GPM6A: variants seen among roughly 807,000 people sequenced by gnomAD.
The protein encoded by GPM6A is glycoprotein M6A.
In GPM6A, 7 loss-of-function variants were observed where a neutral mutation model predicts 32.1. That is an observed-to-expected ratio of 0.22 (90% CI 0.12 to 0.41). The LOEUF is 0.41. Among genes scored for constraint, GPM6A ranks in the 10% least tolerant of loss-of-function variants. The pLI is 1.00. For missense variants in GPM6A, 235 were observed against 347.2 expected, an observed-to-expected ratio of 0.68 and a Z score of 2.57; for synonymous variants, 130 against 123.4, an observed-to-expected ratio of 1.05 and a Z score of -0.35.
intron 2 of GPM6A, among the ~76,000 whole-genome samples, chr4:175,696,402 T>C (rs1476065117): frequency 2.0e-5 from 3 of 152,232 alleles, no homozygotes; most frequent in Admixed American, 6.5e-5. Flanking sequence ...AAATTCCTCA[T>C]GGTTCAAGTA....
At chr4:175,921,739 A>G (rs1738674940) in intron 1 of GPM6A, among the ~76,000 whole-genome samples, 1 of 152,206 alleles carries the variant, frequency 6.6e-6, no homozygotes. Flanking sequence ...ATGAGCCATC[A>G]CCTTGTTTGC....
chr4:175,722,847 C>CT (rs1288855257), intron 1 of GPM6A, among the ~76,000 whole-genome samples: 9 of 151,492 alleles, frequency 5.9e-5, no homozygotes, highest in African/African-American at 1.9e-4. Flanking sequence ...AGTTCGAGGC[C>CT]TGTCTGGCCA....
chr4:175,902,501 T>C (rs997773139), intron 1 of GPM6A, among the ~76,000 whole-genome samples: 11 of 152,142 alleles, frequency 7.2e-5, no homozygotes, highest in Non-Finnish European at 1.3e-4. Context: ...AGGCTCCATC[T>C]TTCCTTTCTT....
intron 1 of GPM6A, among the ~76,000 whole-genome samples, chr4:175,761,885 C>A (rs1198607044): frequency 6.6e-6 from 1 of 151,744 alleles, no homozygotes; most frequent in African/African-American, 2.4e-5. Context: ...ACCTTTGCCT[C>A]CCAGGTTCAA....
At chr4:175,933,565 TAGA>T in intron 1 of GPM6A, among the ~76,000 whole-genome samples, 1 of 99,764 alleles carries the variant, frequency 1.0e-5, no homozygotes, top group Non-Finnish European at 2.1e-5. Context: ...TAGAAGTTCT[TAGA>T]AGTTTTTGTT....
chr4:175,910,506 C>T (rs1738281223), intron 1 of GPM6A, among the ~76,000 whole-genome samples: 1 of 152,046 alleles, frequency 6.6e-6, no homozygotes, highest in African/African-American at 2.4e-5. Flanking sequence ...GAAAGGGGCC[C>T]AACAAGCACT....
intron 1 of GPM6A, among the ~76,000 whole-genome samples, chr4:175,931,872 G>C (rs981011792): frequency 1.3e-5 from 2 of 151,922 alleles, no homozygotes; most frequent in African/African-American, 4.8e-5. Flanking sequence ...TTCACTTGAG[G>C]CTGGGAGTTC....
chr4:175,959,424 A>G (rs1238552456), intron 1 of GPM6A, among the ~76,000 whole-genome samples: 2 of 152,076 alleles, frequency 1.3e-5, no homozygotes, highest in Admixed American at 1.3e-4. Flanking sequence ...ATACACACGT[A>G]CACACATGCA....
At chr4:175,905,159 G>T (rs972318714) in intron 1 of GPM6A, among the ~76,000 whole-genome samples, 1 of 152,122 alleles carries the variant, frequency 6.6e-6, no homozygotes, top group Non-Finnish European at 1.5e-5. Flanking sequence ...TTTAAGGGTG[G>T]TTAATTGTGG....
At chr4:175,700,610 T>C (rs542726598) in intron 2 of GPM6A, among the ~76,000 whole-genome samples, 58 of 152,288 alleles carry the variant, frequency 3.8e-4, no homozygotes, top group Admixed American at 8.5e-4. Flanking sequence ...AAAATGTATA[T>C]ACATTAAGAA....
intron 1 of GPM6A, among the ~76,000 whole-genome samples, chr4:175,903,915 G>A (rs923242181): frequency 6.6e-6 from 1 of 152,072 alleles, no homozygotes; most frequent in South Asian, 2.1e-4. Flanking sequence ...AATATCACAC[G>A]CCAAAATGGG....
intron 2 of GPM6A, among the ~76,000 whole-genome samples, chr4:175,699,781 A>C (rs1182910805): frequency 1.3e-5 from 2 of 152,140 alleles, no homozygotes; most frequent in African/African-American, 4.8e-5. Context: ...CTTTGCTTTT[A>C]CTAAAAATTT....
intron 1 of GPM6A, among the ~76,000 whole-genome samples, chr4:175,722,675 A>G (rs1746202768): frequency 6.6e-6 from 1 of 152,138 alleles, no homozygotes; most frequent in Admixed American, 6.5e-5. Flanking sequence ...CCCTGCCTCA[A>G]AAAACATTAT....
At chr4:175,875,043 G>T in intron 1 of GPM6A, among the ~76,000 whole-genome samples, 1 of 152,106 alleles carries the variant, frequency 6.6e-6, no homozygotes, top group East Asian at 1.9e-4. Flanking sequence ...AGGATAATTC[G>T]TGCTTCTCAC....
intron 1 of GPM6A, among the ~76,000 whole-genome samples, chr4:175,869,455 T>TA (rs201808513): frequency 5.7e-4 from 86 of 151,166 alleles, no homozygotes; most frequent in Non-Finnish European, 9.6e-4. Flanking sequence ...TTTATTTATT[T>TA]AAAAAAAAAC....
intron 1 of GPM6A, among the ~76,000 whole-genome samples, chr4:175,798,041 G>T (rs1322715296): frequency 1.5e-4 from 23 of 152,124 alleles, no homozygotes; most frequent in Admixed American, 1.4e-3. Context: ...TTGAGTTGGG[G>T]AAATGAAGTG....
chr4:175,676,583 C>T (rs566364801), intron 2 of GPM6A, among the ~76,000 whole-genome samples: 1 of 152,150 alleles, frequency 6.6e-6, no homozygotes, highest in African/African-American at 2.4e-5. Flanking sequence ...CCCATCTCTA[C>T]AAAAATTTAA....
chr4:175,899,594 CA>C (rs1409564540), intron 1 of GPM6A, among the ~76,000 whole-genome samples: 2 of 151,982 alleles, frequency 1.3e-5, no homozygotes, highest in African/African-American at 4.8e-5. Flanking sequence ...TCATTTTAAA[CA>C]AAGGTGCCAA....
chr4:175,699,255 A>C (rs931429912), intron 2 of GPM6A, among the ~76,000 whole-genome samples: 6 of 152,178 alleles, frequency 3.9e-5, no homozygotes, highest in African/African-American at 1.4e-4. Flanking sequence ...AATAATCTAG[A>C]GCATTTTAAT....
Sources: gnomAD v4.1 joint callset for allele counts (sites outside exome capture counted in the v4.1 genomes callset) on GRCh38, gnomAD v4.1.1 for gene constraint, MANE v1.5 for transcripts, NCBI Gene and HGNC (gene_info 2026-07-23, HGNC 2026-07-21) for gene names.